The following THADA variants were observed in gnomAD, a reference collection of about 807,000 sequenced individuals.
THADA encodes tRNA (32-2'-O)-methyltransferase regulator THADA.
A neutral mutation model predicts 219.8 loss-of-function variants in THADA; 213 were observed. The ratio of observed to expected loss-of-function variants is 0.97; its 90% confidence interval spans 0.87 to 1.09. The LOEUF is 1.09. Ranked by LOEUF, THADA falls within the 50% of genes least tolerant of loss-of-function variation. THADA has a pLI of 0.00. For missense variants in THADA, 2,956 were observed against 2,311.3 expected, an observed-to-expected ratio of 1.28 and a Z score of -5.72; for synonymous variants, 1,018 against 828.9, an observed-to-expected ratio of 1.23 and a Z score of -3.92.
intron 29 of THADA, among the ~76,000 whole-genome samples, chr2:43,346,739 T>C (rs1285022824): frequency 1.3e-5 from 2 of 152,228 alleles, no homozygotes; most frequent in Non-Finnish European, 2.9e-5. Context: ...GACCAGATAG[T>C]TCCTTGCTTT....
intron 21 of THADA, among the ~76,000 whole-genome samples, chr2:43,533,787 G>T (rs1459034629): frequency 6.6e-6 from 1 of 152,148 alleles, no homozygotes; most frequent in Non-Finnish European, 1.5e-5. Context: ...AATATCTAAT[G>T]CATGCGGGGC....
chr2:43,257,243 G>C (rs900673883), intron 36 of THADA, among the ~76,000 whole-genome samples: 10 of 152,222 alleles, frequency 6.6e-5, no homozygotes, highest in African/African-American at 1.9e-4. Context: ...TACCTGTTTT[G>C]GGAGGGGACA....
chr2:43,277,616 G>A (rs1252923536), intron 36 of THADA, among the ~76,000 whole-genome samples: 1 of 151,922 alleles, frequency 6.6e-6, no homozygotes, highest in South Asian at 2.1e-4. Context: ...AGATCTCAGA[G>A]GTGTGGAGCT....
At chr2:43,324,919 G>T (rs752463085) in intron 30 of THADA, among the ~76,000 whole-genome samples, 2 of 152,182 alleles carry the variant, frequency 1.3e-5, no homozygotes, top group Non-Finnish European at 2.9e-5. Context: ...TGTAGCAGAT[G>T]CACTGAAAAG....
chr2:43,549,342 G>C lies in THADA; in HGVS notation c.2974C>G (p.Leu992Val), dbSNP rs374121530. Residue 992 changes from leucine (L) to valine (V), a missense_variant, in exon 20 of 38, where the codon CTG (leucine) becomes GTG (valine). Physicochemically the swap from Leu to Val is conservative, Grantham distance 32. Coordinates refer to ENST00000405975, the MANE Select transcript of THADA (RefSeq NM_022065.5). ...SESASRLQMI[L>V]NEIQPRDTND... ...GTATCTCGAGGCTGAATCTCATTCA[G>C]AATCATCTGTAAGCGGCTTGCTGAC... 1 of 1,604,012 alleles carries C rather than the reference G, an allele frequency of 6.2e-7. No homozygotes were observed. The highest frequency in any genetic ancestry group is 1.7e-5 in the Admixed American group (1 of 57,980).
chr2:43,422,110 C>T (rs1194029287), intron 28 of THADA, among the ~76,000 whole-genome samples: 5 of 152,166 alleles, frequency 3.3e-5, no homozygotes, highest in African/African-American at 4.8e-5. Flanking sequence ...ATCAGTTTTC[C>T]TTGAAAACTT....
Position 43,231,447 on chromosome 2 carries a change from C to T in THADA, c.5467-104G>A, listed in dbSNP as rs560457987. The T allele has an allele frequency of 2.6e-5, 32 of 1,218,420 alleles. No individual in the cohort carries two copies. In the Middle Eastern group the frequency reaches 3.5e-3, roughly 132 times the overall value. The allele number at this position is 1,218,420 out of a possible 1,614,324, so 75.5% of individuals were successfully genotyped here. On this transcript the variant is annotated intron_variant, in intron 37 of 37. Transcript: ENST00000405975. ...CCAGATGCAAGAGGGGTTTCCCTTC[C>T]CCCACCTGACAGAGGGTGCACTCTT... is the stretch of plus-strand genomic sequence containing the variant.
chr2:43,566,478 C>T (rs1698692698), intron 15 of THADA: 1 of 721,462 alleles, frequency 1.4e-6, no homozygotes. Flanking sequence ...GAAAATTATA[C>T]TTTGGGGTTG....
At chr2:43,339,516 G>A (rs899164205) in intron 30 of THADA, among the ~76,000 whole-genome samples, 21 of 152,276 alleles carry the variant, frequency 1.4e-4, no homozygotes, top group African/African-American at 5.1e-4. Flanking sequence ...CTGGCCTTAT[G>A]TGATCCACCC....
At chr2:43,452,704 G>C (rs1171068076) in intron 26 of THADA, among the ~76,000 whole-genome samples, 1 of 152,212 alleles carries the variant, frequency 6.6e-6, no homozygotes, top group African/African-American at 2.4e-5. Flanking sequence ...CCGACACACT[G>C]AGTCAGGCCC....
chr2:43,236,198 G>A (rs1668014051), intron 36 of THADA, among the ~76,000 whole-genome samples: 1 of 152,188 alleles, frequency 6.6e-6, no homozygotes, highest in Non-Finnish European at 1.5e-5. Context: ...GGTGTGATGT[G>A]GCCAGAAGTG....
chr2:43,371,527 T>C (rs1279228225), intron 29 of THADA, among the ~76,000 whole-genome samples: 1 of 152,206 alleles, frequency 6.6e-6, no homozygotes, highest in Non-Finnish European at 1.5e-5. Context: ...TGTCTCTTTA[T>C]GTTAAACAAT....
intron 26 of THADA, among the ~76,000 whole-genome samples, chr2:43,478,517 C>T (rs2104988962): frequency 6.6e-6 from 1 of 152,284 alleles, no homozygotes; most frequent in Non-Finnish European, 1.5e-5. Flanking sequence ...CCTGGTATTA[C>T]ATTATATTAG....
At position 43,511,603 on chromosome 2, in the gene THADA, C is replaced by G. The variant is rs192248127; in HGVS notation, c.3375-2823G>C. ...ACTTTTCCAAGTTCCTACACAAACTCCTCTGGTCTAGTAAGACTGTTTTTT... is the reference window on the plus strand; with the variant it reads ...ACTTTTCCAAGTTCCTACACAAACTGCTCTGGTCTAGTAAGACTGTTTTTT... On this transcript the variant is annotated intron_variant, in intron 22 of 37. Coordinates refer to ENST00000405975, the MANE Select transcript of THADA (RefSeq NM_022065.5). Among the ~76,000 whole-genome samples the G allele has an allele frequency of 1.4e-3, 208 of 152,290 alleles. 4 individuals carry two copies. The highest frequency in any genetic ancestry group is 2.4e-4 in the Non-Finnish European group (16 of 68,022).
rs890118230 is a variant in THADA at position 43,473,671 on chromosome 2, C to T, written c.3836+11563G>A. ...TCACCCAGGCTGGAGTGCAGTGGCG[C>T]GATCTTGGCTCACCACAACCTCTGC... is the stretch of plus-strand genomic sequence containing the variant. On this transcript the variant is annotated intron_variant, in intron 26 of 37. Coordinates refer to ENST00000405975, the MANE Select transcript of THADA (RefSeq NM_022065.5). Among the ~76,000 whole-genome samples, 17 of 151,968 alleles carry T rather than the reference C, an allele frequency of 1.1e-4. No homozygotes were observed. In the East Asian group the frequency reaches 2.3e-3, roughly 21 times the overall value.
At chr2:43,580,110 T>C (rs1441997656) in intron 8 of THADA, among the ~76,000 whole-genome samples, 1 of 148,506 alleles carries the variant, frequency 6.7e-6, no homozygotes, top group African/African-American at 2.5e-5. Context: ...CTGCAACCTC[T>C]GTCTCCCGGG....
chr2:43,319,731 A>C (rs1251070705), intron 31 of THADA, among the ~76,000 whole-genome samples: 1 of 152,198 alleles, frequency 6.6e-6, no homozygotes, highest in Non-Finnish European at 1.5e-5. Flanking sequence ...CAATTAGAAG[A>C]GGCTGATTTT....
intron 36 of THADA, among the ~76,000 whole-genome samples, chr2:43,240,305 ACTTT>A (rs774447015): frequency 6.6e-6 from 1 of 152,144 alleles, no homozygotes; most frequent in Non-Finnish European, 1.5e-5. Context: ...GTGTTACTGC[ACTTT>A]CTTTTTTTCT....
intron 36 of THADA, among the ~76,000 whole-genome samples, chr2:43,270,314 A>C (rs1021166056): frequency 6.6e-6 from 1 of 152,064 alleles, no homozygotes; most frequent in African/African-American, 2.4e-5. Flanking sequence ...TAGGAGGGGC[A>C]CTGGAGAACA....
Sources: gnomAD v4.1 joint callset for allele counts (sites outside exome capture counted in the v4.1 genomes callset) on GRCh38, gnomAD v4.1.1 for gene constraint, MANE v1.5 for transcripts, NCBI Gene and HGNC (gene_info 2026-07-23, HGNC 2026-07-21) for gene names.